EDEM3: variants seen among roughly 807,000 people sequenced by gnomAD.
EDEM3 encodes the protein ER degradation enhancing alpha-mannosidase like protein 3.
Under a neutral mutation model 110.2 loss-of-function variants are expected in EDEM3, and 60 were observed. That is an observed-to-expected ratio of 0.54 (90% CI 0.44 to 0.67). The LOEUF (loss-of-function observed/expected upper bound fraction) is 0.67, where lower values mean the gene tolerates loss of function less well. Among genes scored for constraint, EDEM3 ranks in the 30% least tolerant of loss-of-function variants. EDEM3 has a pLI of 0.00. For synonymous variants in EDEM3, 352 were observed against 382.9 expected (o/e 0.92, Z 0.94); for missense variants, 996 against 1,121.0 (o/e 0.89, Z 1.59).
Position 184,694,387 on chromosome 1 carries a change from C to T in EDEM3, c.2475G>A (p.Gln825=), listed in dbSNP as rs1220691322. The change falls in exon 20 of 20, where the codon CAG becomes CAA. Residue 825 remains glutamine (Q), a synonymous_variant. Transcript: ENST00000318130. ...ACTCTTGATCAACCAAATCAACCTC[C>T]TGAGAACTTGATGAAATCTGTTCAC... ...QSGEQISSSS[Q]EVDLVDQESS... 1 of 1,612,392 alleles carries T rather than the reference C, an allele frequency of 6.2e-7. No individual in the cohort carries two copies. Among genetic ancestry groups the T allele is most frequent in the Non-Finnish European group, 8.5e-7 (1 of 1,179,484 alleles).
chr1:184,745,582 T>A (rs1218190046), intron 2 of EDEM3, among the ~76,000 whole-genome samples: 3 of 151,568 alleles, frequency 2.0e-5, no homozygotes, highest in East Asian at 1.9e-4. Context: ...ACAATAAAAA[T>A]TTTTTTTAAA....
chr1:184,723,716 G>A, intron 8 of EDEM3, 35 bp downstream of exon 8: 3 of 1,456,416 alleles, frequency 2.1e-6, no homozygotes, highest in Non-Finnish European at 2.8e-6. Flanking sequence ...TTTTGAGGAT[G>A]CAAAGGCTTG....
chr1:184,745,067 T>C (rs999084776), intron 2 of EDEM3, among the ~76,000 whole-genome samples: 5 of 152,130 alleles, frequency 3.3e-5, no homozygotes, highest in African/African-American at 1.2e-4. Flanking sequence ...AACAACTGTA[T>C]ACAATTGTCA....
At position 184,754,141 on chromosome 1, in the gene EDEM3, C is replaced by T. The variant is rs556738255; in HGVS notation, c.158+348G>A. Among the ~76,000 whole-genome samples the T allele has an allele frequency of 4.6e-5, 7 of 152,354 alleles. No individual in the cohort carries two copies. In the East Asian group the frequency reaches 5.8e-4, roughly 13 times the overall value. On this transcript the variant is annotated intron_variant, in intron 1 of 19. Transcript: ENST00000318130. ...TTGCGCGAGAAAGCTAACCATGCTT[C>T]GGTCGACAGGCAGCCAACCGCAGAA...
intron 6 of EDEM3, among the ~76,000 whole-genome samples, chr1:184,728,339 TAA>T (rs1165121236): frequency 1.3e-5 from 2 of 152,204 alleles, no homozygotes; most frequent in African/African-American, 4.8e-5. Context: ...TGACAAAGTC[TAA>T]GAGTAGTCAT....
chr1:184,696,585 G>A (rs548442526), intron 19 of EDEM3, among the ~76,000 whole-genome samples: 6 of 151,630 alleles, frequency 4.0e-5, no homozygotes, highest in East Asian at 1.9e-4. Flanking sequence ...TTTTTTTTCC[G>A]GAGGGGAGGA....
chr1:184,734,954 TG>T (rs1157894068), intron 4 of EDEM3, among the ~76,000 whole-genome samples: 1 of 152,222 alleles, frequency 6.6e-6, no homozygotes, highest in African/African-American at 2.4e-5. Context: ...TAGTAGAATT[TG>T]GCTTCTAAGT....
chr1:184,705,764 T>C (rs928648014), intron 18 of EDEM3, among the ~76,000 whole-genome samples: 5 of 152,172 alleles, frequency 3.3e-5, no homozygotes, highest in Non-Finnish European at 5.9e-5. Flanking sequence ...ACAATCAGCA[T>C]ATTGTGAGCC....
At chr1:184,715,974 T>C (rs1650522434) in intron 13 of EDEM3, among the ~76,000 whole-genome samples, 1 of 152,154 alleles carries the variant, frequency 6.6e-6, no homozygotes, top group Admixed American at 6.5e-5. Flanking sequence ...TCTCATGTCT[T>C]CAGTCTCACT....
In EDEM3 at chr1:184,730,585, AAAAC is replaced by A. The variant is rs141282770; in HGVS notation, c.612+2248_612+2251del. 6.8e-3 allele frequency among the ~76,000 whole-genome samples: 1,038 copies of A among 152,262 alleles called. 17 individuals are homozygous for A. The highest frequency in any genetic ancestry group is 0.024 in the African/African-American group (998 of 41,556). On this transcript the variant is annotated intron_variant, in intron 6 of 19. Coordinates refer to ENST00000318130, the MANE Select transcript of EDEM3 (RefSeq NM_025191.4). ...CTGGGTGATAGAGGGAGACTATCTC[AAAAC>A]AAACAAACAAACAAAAAGAATGTTT...
At position 184,694,405 on chromosome 1, in the gene EDEM3, C is replaced by G. The variant is rs551639908; in HGVS notation, c.2457G>C (p.Gln819His). 4 of 1,611,212 alleles carry G rather than the reference C, an allele frequency of 2.5e-6. No homozygotes were observed. The African/African-American group carries it at 4.0e-5, about 16-fold the overall frequency. ...ENDSQNQSGE[Q>H]ISSSSQEVDL... ...CAACCTCCTGAGAACTTGATGAAAT[C>G]TGTTCACCACTCTGATTCTGAGAAT... is the stretch of plus-strand genomic sequence containing the variant. Residue 819 changes from glutamine (Q) to histidine (H), a missense_variant, in exon 20 of 20, where the codon CAG (glutamine) becomes CAC (histidine). Gln to His is a conservative substitution (Grantham distance 24, BLOSUM62 0). Coordinates refer to ENST00000318130, the MANE Select transcript of EDEM3 (RefSeq NM_025191.4).
In EDEM3 at chr1:184,754,594, C is replaced by G. The variant is rs767091932; in HGVS notation, c.53G>C (p.Arg18Pro). Residue 18 changes from arginine (R) to proline (P), a missense_variant, in exon 1 of 20, where the codon CGA becomes CCA. By Grantham distance (103) the Arg-to-Pro change is moderately radical. Around this residue, in one of 5 missense-constraint regions of EDEM3, gnomAD observed 200 missense variants for 183.8 expected, o/e 1.09. Coordinates refer to ENST00000318130, the MANE Select transcript of EDEM3 (RefSeq NM_025191.4). ...GCGSPVPQRA[R>P]WRLVAATAAF... Reference sequence around the variant, plus strand: ...GGCCGTCGCCGCCACTAGTCTCCATCGCGCTCGCTGGGGAACCGGGGACCC... The same window carrying G: ...GGCCGTCGCCGCCACTAGTCTCCATGGCGCTCGCTGGGGAACCGGGGACCC... 2.0e-5 allele frequency: 32 copies of G among 1,610,958 alleles called. No homozygotes were observed. Among genetic ancestry groups the G allele is most frequent in the Non-Finnish European group, 2.7e-5 (32 of 1,179,028 alleles).
At chr1:184,737,189 T>C (rs1362850155) in intron 3 of EDEM3, 125 bp from the exon 4 acceptor site, 2 of 769,398 alleles carry the variant, frequency 2.6e-6, no homozygotes, top group Non-Finnish European at 4.3e-6. Context: ...CATGTATCTA[T>C]AGTACAATGA....
chr1:184,696,122 TAACGAG>T (rs1341053402), intron 19 of EDEM3, among the ~76,000 whole-genome samples: 1 of 151,600 alleles, frequency 6.6e-6, no homozygotes, highest in African/African-American at 2.4e-5. Flanking sequence ...TCTCATCAAA[TAACGAG>T]AAAAAAAATG....
At chr1:184,732,172 T>C (rs1216668756) in intron 6 of EDEM3, among the ~76,000 whole-genome samples, 1 of 151,656 alleles carries the variant, frequency 6.6e-6, no homozygotes, top group African/African-American at 2.4e-5. Flanking sequence ...GGAGACTCCA[T>C]TCCCCCCCAC....
In EDEM3 at chr1:184,708,135, T is replaced by C. The variant is rs750361536; in HGVS notation, c.2037+18A>G. ...ATTTTAAATTCAGTTTCAACAACTA[T>C]ATTTTAAGTATACATACCTCTTTAT... is the stretch of plus-strand genomic sequence containing the variant. On this transcript the variant is annotated intron_variant, in intron 17 of 19. Transcript: ENST00000318130. 7 of 1,575,064 alleles carry C rather than the reference T, an allele frequency of 4.4e-6. No homozygotes were observed. Among genetic ancestry groups the C allele is most frequent in the Non-Finnish European group, 4.3e-6 (5 of 1,162,350 alleles).
intron 2 of EDEM3, among the ~76,000 whole-genome samples, chr1:184,748,592 G>A (rs1484791295): frequency 6.6e-6 from 1 of 152,068 alleles, no homozygotes; most frequent in Non-Finnish European, 1.5e-5. Flanking sequence ...CTCAAAATGT[G>A]CTCTCTCCAA....
intron 1 of EDEM3, 70 bp from the exon 2 acceptor site, chr1:184,749,662 A>C (rs1360178769): frequency 1.6e-6 from 2 of 1,259,686 alleles, no homozygotes; most frequent in African/African-American, 1.5e-5. Flanking sequence ...ATTATCTTTC[A>C]AAAAGTTAAT....
intron 6 of EDEM3, among the ~76,000 whole-genome samples, chr1:184,728,471 G>A (rs993644669): frequency 8.5e-5 from 13 of 152,100 alleles, no homozygotes; most frequent in African/African-American, 2.9e-4. Context: ...TACTTAAGAT[G>A]TTTGTATATT....
Sources: allele counts gnomAD v4.1 joint callset (sites outside exome capture counted in the v4.1 genomes callset), GRCh38; gene constraint gnomAD v4.1.1; regional missense constraint gnomAD v4.1.1; transcripts MANE v1.5; gene names NCBI Gene and HGNC (gene_info 2026-07-23, HGNC 2026-07-21).